SF3B1: variants seen among roughly 807,000 people sequenced by gnomAD.
The protein encoded by SF3B1 is pre-mRNA processing 10.
SF3B1 carries 12 observed loss-of-function variants against 153.8 expected under a neutral mutation model. That is an observed-to-expected ratio of 0.08 (90% CI 0.05 to 0.13). SF3B1 has a LOEUF of 0.13. Ranked by LOEUF, SF3B1 falls within the 10% of genes least tolerant of loss-of-function variation. The pLI is 1.00. For synonymous variants in SF3B1, 498 were observed against 525.2 expected, an observed-to-expected ratio of 0.95 and a Z score of 0.71; for missense variants, 513 against 1,606.1, an observed-to-expected ratio of 0.32 and a Z score of 11.63.
At chr2:197,423,112 C>T (rs974906986) in intron 2 of SF3B1, among the ~76,000 whole-genome samples, 4 of 152,024 alleles carry the variant, frequency 2.6e-5, no homozygotes, top group South Asian at 2.1e-4. Context: ...CCAGGCTGGG[C>T]GCAGTGGCTC....
rs1319990703 is a variant in SF3B1 at position 197,392,030 on chromosome 2, G to A, written c.*273C>T. 3.8e-6 allele frequency: 1 copy of A among 265,268 alleles called. No individual in the cohort carries two copies. Among genetic ancestry groups the A allele is most frequent in the Non-Finnish European group, 7.1e-6 (1 of 140,596 alleles). 16.4% of individuals were successfully genotyped at this position (265,268 alleles called of 1,614,324 possible). A position where few individuals can be genotyped will look rare whatever the true frequency, so the allele number is the denominator to read the frequency against. ...AATTAAACATTCCCTTTAAACACAAGGAATGAGTTCTAAATCTTCATAAAG... is the reference window on the plus strand; with the variant it reads ...AATTAAACATTCCCTTTAAACACAAAGAATGAGTTCTAAATCTTCATAAAG... On this transcript the variant is annotated 3_prime_UTR_variant, in exon 25 of 25. Transcript: ENST00000335508.
chr2:197,401,886 A>G lies in SF3B1; in HGVS notation c.2226T>C (p.Gly742=), dbSNP rs2105984653. 6.3e-7 allele frequency: 1 copy of G among 1,588,160 alleles called. No homozygotes were observed. Among genetic ancestry groups the G allele is most frequent in the Non-Finnish European group, 8.5e-7 (1 of 1,172,858 alleles). The change falls in exon 16 of 25, where the codon GGT becomes GGC. Residue 742 remains glycine, a splice_region_variant and synonymous_variant. Transcript: ENST00000335508. The surrounding 1 kb of genome is among the most constrained non-coding windows in gnomAD (Gnocchi z 4.2). The stretch of plus-strand genomic sequence containing the variant: ...CAATAGCCTTCAAGAAAGCAGCCAA[A>G]CCCTATTTTTAAATAAAAAATATAT... The part of the protein sequence containing the change: ...WKGIRQHRGK[G]LAAFLKAIGY...
intron 21 of SF3B1, among the ~76,000 whole-genome samples, 165 bp from the exon 22 acceptor site, chr2:197,398,281 A>C (rs1293420935): frequency 2.0e-5 from 3 of 152,204 alleles, no homozygotes; most frequent in Non-Finnish European, 4.4e-5. Context: ...TTTAGTCCTA[A>C]AATTACATTG....
At chr2:197,395,994 C>T (rs190789666) in intron 23 of SF3B1, 62 bp downstream of exon 23, 48 of 1,410,988 alleles carry the variant, frequency 3.4e-5, no homozygotes, top group East Asian at 1.8e-4. Flanking sequence ...AACTATTTCA[C>T]GATGTTCTAA....
chr2:197,405,437 T>A lies in SF3B1; in HGVS notation c.1275A>T (p.Arg425=). Residue 425 remains arginine (R), a synonymous_variant, in exon 10 of 25, where the codon CGA becomes CGT. Coordinates refer to ENST00000335508, the MANE Select transcript of SF3B1 (RefSeq NM_012433.4). ...TAGCTGTCAGCTTTCGAGCTGGAGT[T>A]CGAATAGGAACATAACCAGCTGGAG... The part of the protein sequence containing the change: ...LPPPAGYVPI[R]TPARKLTATP... 1 of 1,613,738 alleles carries A rather than the reference T, an allele frequency of 6.2e-7. No individual in the cohort carries two copies. The highest frequency in any genetic ancestry group is 8.5e-7 in the Non-Finnish European group (1 of 1,179,816).
At chr2:197,419,565 C>G (rs1415381870) in intron 4 of SF3B1, 1 of 222,492 alleles carries the variant, frequency 4.5e-6, no homozygotes, top group East Asian at 6.6e-5. Flanking sequence ...CTTTGGAATA[C>G]TTTTTCACCA....
rs563742994 is a variant in SF3B1 at position 197,400,788 on chromosome 2, G to C, written c.2645C>G (p.Ala882Gly). Reference sequence around the variant, plus strand: ...TTCTTCAAGTTTATGATCAATATCTGCTGCTCCCAAATTACCCATAATTTT... The same window carrying C: ...TTCTTCAAGTTTATGATCAATATCTCCTGCTCCCAAATTACCCATAATTTT... ...IEKIMGNLGAADIDHKLEEQL... is the reference protein window; with the variant it reads ...IEKIMGNLGAGDIDHKLEEQL... The change falls in exon 18 of 25, where the codon GCA (alanine) becomes GGA (glycine). Residue 882 changes from alanine to glycine, a missense_variant. Ala to Gly is a moderately conservative substitution (Grantham distance 60, BLOSUM62 0). Coordinates refer to ENST00000335508, the MANE Select transcript of SF3B1 (RefSeq NM_012433.4). The surrounding 1 kb of genome is among the most constrained non-coding windows in gnomAD (Gnocchi z 5.0). 5.6e-6 allele frequency: 9 copies of C among 1,613,060 alleles called. No homozygotes were observed. The highest frequency in any genetic ancestry group is 6.8e-6 in the Non-Finnish European group (8 of 1,179,366).
intron 4 of SF3B1, chr2:197,419,449 A>G (rs1381504645): frequency 9.1e-6 from 2 of 219,740 alleles, no homozygotes; most frequent in Non-Finnish European, 1.8e-5. Flanking sequence ...GTAGTATAGC[A>G]TCACAATTTA....
rs2105986280 is a variant in SF3B1, at chr2:197,402,504, A to C, written c.2077+52T>G. The C allele has an allele frequency of 6.6e-7, 1 of 1,525,454 alleles. No homozygotes were observed. Among genetic ancestry groups the C allele is most frequent in the South Asian group, 1.2e-5 (1 of 85,556 alleles). 94.5% of individuals were successfully genotyped at this position (1,525,454 alleles called of 1,614,324 possible). A position where few individuals can be genotyped will look rare whatever the true frequency, so the allele number is the denominator to read the frequency against. On this transcript the variant is annotated intron_variant, in intron 14 of 24. Transcript: ENST00000335508. The surrounding 1 kb of genome is among the most constrained non-coding windows in gnomAD (Gnocchi z 4.6). ...AGTCCAGTCTGGGCAACATAGTAAG[A>C]CCCTGTCTCCTAAAGAAAAAAAAAA...
chr2:197,423,659 C>A (rs973901264), intron 2 of SF3B1, 149 bp downstream of exon 2: 7 of 701,136 alleles, frequency 1.0e-5, no homozygotes, highest in African/African-American at 1.8e-5. Context: ...AGTTTCTGAA[C>A]CTTAGAGAGG....
intron 6 of SF3B1, among the ~76,000 whole-genome samples, chr2:197,415,466 G>A (rs902042564): frequency 3.3e-5 from 5 of 151,934 alleles, no homozygotes; most frequent in Non-Finnish European, 7.4e-5. Flanking sequence ...ACGTTGGCCA[G>A]GCTGGTCTTG....
intron 2 of SF3B1, among the ~76,000 whole-genome samples, chr2:197,423,168 C>T (rs1302275205): frequency 2.0e-5 from 3 of 152,032 alleles, no homozygotes; most frequent in Non-Finnish European, 4.4e-5. Flanking sequence ...AGGTGGATCA[C>T]CTGAAGGCAT....
intron 7 of SF3B1, among the ~76,000 whole-genome samples, chr2:197,409,277 T>C (rs1306843804): frequency 1.3e-5 from 2 of 152,060 alleles, no homozygotes; most frequent in Non-Finnish European, 2.9e-5. Flanking sequence ...CGCATGCCTG[T>C]AATCCCAGCT....
rs754620613 is a variant in SF3B1, at chr2:197,409,808, C to T, written c.866G>A (p.Arg289His). ...PGHGGATSSA[R>H]KNRWDETPKT... ...GGGGGTTTCATCCCATCTGTTTTTA[C>T]GAGCACTGGAAGTTGCGCCTCCATG... is the stretch of plus-strand genomic sequence containing the variant. Residue 289 changes from arginine (R) to histidine (H), a missense_variant, in exon 7 of 25, where the codon CGT (arginine) becomes CAT (histidine). Transcript: ENST00000335508. 4 of 1,613,906 alleles carry T rather than the reference C, an allele frequency of 2.5e-6. No individual in the cohort carries two copies. Among genetic ancestry groups the T allele is most frequent in the Non-Finnish European group, 2.5e-6 (3 of 1,179,940 alleles).
intron 9 of SF3B1, among the ~76,000 whole-genome samples, chr2:197,406,128 A>C (rs2084989466): frequency 6.6e-6 from 1 of 150,972 alleles, no homozygotes; most frequent in South Asian, 2.1e-4. Context: ...AAAAAAAAAA[A>C]CAACTTCTGG....
At chr2:197,419,031 A>G (rs1169018229) in intron 4 of SF3B1, 2 of 1,103,218 alleles carry the variant, frequency 1.8e-6, no homozygotes, top group Non-Finnish European at 2.7e-6. Flanking sequence ...CAAGCTGTTA[A>G]AATCCTGACT....
intron 1 of SF3B1, among the ~76,000 whole-genome samples, chr2:197,428,967 T>C (rs788021): frequency 0.71 from 107,786 of 151,278 alleles, 39,124 homozygotes; most frequent in Middle Eastern, 0.86. Flanking sequence ...TGAAACTCCA[T>C]CTCAAAAAAA....
intron 20 of SF3B1, among the ~76,000 whole-genome samples, 159 bp downstream of exon 20, chr2:197,399,894 CAA>C (rs1011903029): frequency 1.3e-4 from 19 of 151,216 alleles, no homozygotes; most frequent in African/African-American, 4.6e-4. Flanking sequence ...TTTTGGGAAA[CAA>C]GACTTTTGTG....
At chr2:197,414,053 C>T (rs901042613) in intron 6 of SF3B1, among the ~76,000 whole-genome samples, 2 of 152,118 alleles carry the variant, frequency 1.3e-5, no homozygotes, top group Non-Finnish European at 2.9e-5. Flanking sequence ...AATGATCCAC[C>T]CACCTTGGCC....
Sources: gnomAD v4.1 joint callset for allele counts (sites outside exome capture counted in the v4.1 genomes callset) on GRCh38, gnomAD v4.1.1 for gene constraint, Gnocchi (gnomAD v3.1) non-coding constraint, MANE v1.5 for transcripts, NCBI Gene and HGNC (gene_info 2026-07-23, HGNC 2026-07-21) for gene names.